The following EIF4B variants were observed in gnomAD, a reference collection of about 807,000 sequenced individuals.
EIF4B encodes the protein eukaryotic translation initiation factor 4B.
EIF4B carries 8 observed loss-of-function variants against 79.3 expected under a neutral mutation model. That is an observed-to-expected ratio of 0.10 (90% CI 0.06 to 0.18). EIF4B has a LOEUF of 0.18. Ranked by LOEUF, EIF4B falls within the 10% of genes least tolerant of loss-of-function variation. The pLI, the probability that EIF4B is intolerant of heterozygous loss-of-function variation, is 1.00. For missense variants in EIF4B, 515 were observed against 792.4 expected, an observed-to-expected ratio of 0.65 and a Z score of 4.20; for synonymous variants, 238 against 274.7, an observed-to-expected ratio of 0.87 and a Z score of 1.32.
At chr12:53,035,237 C>T (rs942995081) in intron 10 of EIF4B, among the ~76,000 whole-genome samples, 1 of 152,034 alleles carries the variant, frequency 6.6e-6, no homozygotes, top group African/African-American at 2.4e-5. Flanking sequence ...CAGGGTCTTA[C>T]TCTGTCACAC....
intron 8 of EIF4B, among the ~76,000 whole-genome samples, chr12:53,031,040 C>T (rs980604628): frequency 6.6e-6 from 1 of 152,088 alleles, no homozygotes; most frequent in South Asian, 2.1e-4. Flanking sequence ...TCTCTAGTTG[C>T]TGCTGCTACC....
chr12:53,031,859 G>T (rs1396810296), intron 8 of EIF4B, among the ~76,000 whole-genome samples: 1 of 152,122 alleles, frequency 6.6e-6, no homozygotes, highest in Non-Finnish European at 1.5e-5. Flanking sequence ...GTCATCAGGA[G>T]GTTTTACCTC....
intron 1 of EIF4B, among the ~76,000 whole-genome samples, chr12:53,015,662 C>CA (rs1376881219): frequency 2.1e-5 from 3 of 139,728 alleles, no homozygotes; most frequent in African/African-American, 7.9e-5. Context: ...GCCTGGACAA[C>CA]AGAGCAAGAC....
At chr12:53,028,744 T>TA (rs147006207) in intron 8 of EIF4B, among the ~76,000 whole-genome samples, 2,813 of 152,154 alleles carry the variant, frequency 0.018, 35 homozygotes, top group Middle Eastern at 0.037. Flanking sequence ...TTAAAACAGA[T>TA]GGTTTTAGCT....
At chr12:53,026,924 A>G (rs915653929) in intron 6 of EIF4B, among the ~76,000 whole-genome samples, 1 of 152,020 alleles carries the variant, frequency 6.6e-6, no homozygotes, top group African/African-American at 2.4e-5. Context: ...TAAGCTCCTA[A>G]AATTCAATAG....
In EIF4B at chr12:53,037,378, A is replaced by C. The variant is rs1210595768; in HGVS notation, c.1307-31A>C. The C allele has an allele frequency of 1.9e-6, 3 of 1,598,512 alleles. No homozygotes were observed. The African/African-American group carries it at 4.0e-5, about 21-fold the overall frequency. ...TAGATGCGTGAGCATCTGCAGCCTG[A>C]TAATTTGATATTTTCACTCTGGCTT... On this transcript the variant is annotated intron_variant, in intron 10 of 14. Transcript: ENST00000262056.
intron 8 of EIF4B, among the ~76,000 whole-genome samples, chr12:53,030,413 CTTTTTTTTTTTTTTTTTTT>C (rs759061266): frequency 4.6e-5 from 2 of 43,066 alleles, no homozygotes; most frequent in Non-Finnish European, 1.2e-4. Context: ...AAATTATATT[CTTTTTTTTTTTTTTTTTTT>C]TTTTTTGAGA....
chr12:53,032,415 A>G (rs1294527249), intron 8 of EIF4B, among the ~76,000 whole-genome samples: 1 of 152,208 alleles, frequency 6.6e-6, no homozygotes, highest in Admixed American at 6.5e-5. Flanking sequence ...CCTGGGTGAC[A>G]GAGCGAGACT....
At chr12:53,010,711 G>A (rs1943050022) in intron 1 of EIF4B, among the ~76,000 whole-genome samples, 1 of 151,978 alleles carries the variant, frequency 6.6e-6, no homozygotes, top group Non-Finnish European at 1.5e-5. Context: ...CAGTGGCGTG[G>A]TCTCAGCTCA....
chr12:53,017,166 T>C (rs1028198100), intron 2 of EIF4B, among the ~76,000 whole-genome samples: 6 of 151,796 alleles, frequency 4.0e-5, no homozygotes, highest in African/African-American at 1.5e-4. Context: ...GGCAGGAGAA[T>C]TGCTTGAACC....
intron 10 of EIF4B, 116 bp downstream of exon 10, chr12:53,034,825 T>C (rs1943510162): frequency 2.6e-6 from 3 of 1,143,090 alleles, no homozygotes; most frequent in South Asian, 2.8e-5. Flanking sequence ...TTATTTGGGT[T>C]GCATGGGCCG....
At chr12:53,032,669 G>GTTTTTTTTTT (rs779279397) in intron 8 of EIF4B, among the ~76,000 whole-genome samples, 1 of 132,306 alleles carries the variant, frequency 7.6e-6, no homozygotes, top group Non-Finnish European at 1.6e-5. Flanking sequence ...GGGTTTTTTT[G>GTTTTTTTTTT]TTTTTTTTTT....
chr12:53,019,975 T>C lies in EIF4B; in HGVS notation c.426T>C (p.Ala142=), dbSNP rs755441870. 2.5e-5 allele frequency: 40 copies of C among 1,612,734 alleles called. No homozygotes were observed. Among genetic ancestry groups the C allele is most frequent in the Non-Finnish European group, 2.8e-5 (33 of 1,179,656 alleles). Residue 142 remains alanine (A), a synonymous_variant, in exon 4 of 15, where the codon GCT becomes GCC. Transcript: ENST00000262056. ...NPERLKGFGY[A]EFEDLDSLLS... ...AGAGGTTGAAAGGTTTTGGTTATGC[T>C]GAATTTGAGGACCTGGATTCCCTGC... is the stretch of plus-strand genomic sequence containing the variant.
At chr12:53,019,429 A>AT in intron 3 of EIF4B, among the ~76,000 whole-genome samples, 1 of 40,316 alleles carries the variant, frequency 2.5e-5, no homozygotes, top group Non-Finnish European at 7.4e-5. Context: ...AAAATTATAT[A>AT]TATATATATT....
chr12:53,034,124 C>T (rs1217013247), intron 9 of EIF4B, 90 bp downstream of exon 9: 23 of 1,317,022 alleles, frequency 1.7e-5, no homozygotes, highest in Middle Eastern at 1.9e-4. Context: ...AAATTTGTGT[C>T]GTTATCACAT....
chr12:53,009,109 A>G (rs1287911088), intron 1 of EIF4B, among the ~76,000 whole-genome samples: 2 of 152,214 alleles, frequency 1.3e-5, no homozygotes, highest in Non-Finnish European at 2.9e-5. Flanking sequence ...TAGACTTGCC[A>G]GTAATAAGCC....
chr12:53,007,603 C>T (rs2120872090), intron 1 of EIF4B, among the ~76,000 whole-genome samples: 1 of 152,152 alleles, frequency 6.6e-6, no homozygotes. Context: ...GATGACCCAA[C>T]ATCTTGTAGC....
intron 8 of EIF4B, among the ~76,000 whole-genome samples, chr12:53,033,413 G>T (rs1435705038): frequency 6.6e-6 from 1 of 151,238 alleles, no homozygotes; most frequent in Non-Finnish European, 1.5e-5. Flanking sequence ...CTCGATCTTG[G>T]CTCACTGCAA....
intron 6 of EIF4B, among the ~76,000 whole-genome samples, chr12:53,026,422 T>C (rs1390701259): frequency 6.6e-6 from 1 of 152,196 alleles, no homozygotes; most frequent in Non-Finnish European, 1.5e-5. Flanking sequence ...GTGTAAAATA[T>C]AGTTTATAAC....
Sources: allele counts gnomAD v4.1 joint callset (sites outside exome capture counted in the v4.1 genomes callset), GRCh38; gene constraint gnomAD v4.1.1; transcripts MANE v1.5; gene names NCBI Gene and HGNC (gene_info 2026-07-23, HGNC 2026-07-21).